Variants in PRH1 observed in about 807,000 individuals in gnomAD.
PRH1 encodes proline rich protein HaeIII subfamily 1.
In PRH1, 7 loss-of-function variants were observed where a neutral mutation model predicts 7.9. The ratio of observed to expected loss-of-function variants is 0.89; its 90% CI spans 0.50 to 1.67. PRH1 has a LOEUF of 1.67. Ranked by LOEUF, PRH1 falls within the 40% of genes most tolerant of loss-of-function variation. The pLI is 0.00. For synonymous variants in PRH1, 45 were observed against 80.8 expected (o/e 0.56, Z 2.38); for missense variants, 109 against 223.6 (o/e 0.49, Z 3.27).
chr12:11,005,583 T>G (rs576893933), intron 1 of PRH1, among the ~76,000 whole-genome samples: 4 of 152,228 alleles, frequency 2.6e-5, no homozygotes, highest in African/African-American at 9.6e-5. Flanking sequence ...ATCTGCTTGC[T>G]GCTAATATGT....
chr12:11,027,399 G>C (rs3889445), intron 1 of PRH1, among the ~76,000 whole-genome samples: 53,397 of 145,168 alleles, frequency 0.37, 4,076 homozygotes, highest in Non-Finnish European at 0.42. Context: ...AACCTGAGAA[G>C]ATTCAGGGAC....
At chr12:11,000,182 T>C (rs1404688476) in intron 1 of PRH1, among the ~76,000 whole-genome samples, 1 of 152,142 alleles carries the variant, frequency 6.6e-6, no homozygotes, top group East Asian at 1.9e-4. Context: ...TTATCGCTAT[T>C]TGCATATATC....
intron 1 of PRH1, among the ~76,000 whole-genome samples, chr12:11,143,273 C>T (rs1946760543): frequency 6.6e-6 from 1 of 152,136 alleles, no homozygotes; most frequent in Admixed American, 6.5e-5. Flanking sequence ...GCAAACAGTG[C>T]TAAGTTGCTA....
intron 2 of PRH1, among the ~76,000 whole-genome samples, chr12:10,902,472 C>G (rs1591661009): frequency 6.6e-6 from 1 of 151,742 alleles, no homozygotes; most frequent in Non-Finnish European, 1.5e-5. Context: ...AGAAAATTTC[C>G]CTAATCTTGC....
intron 1 of PRH1, among the ~76,000 whole-genome samples, chr12:11,010,092 AGTTT>A (rs1940999763): frequency 6.6e-6 from 1 of 151,994 alleles, no homozygotes; most frequent in Non-Finnish European, 1.5e-5. Context: ...TCAATGGATT[AGTTT>A]AAGGTCATCT....
intron 1 of PRH1, among the ~76,000 whole-genome samples, chr12:11,093,234 T>A (rs1187921486): frequency 8.6e-6 from 1 of 116,192 alleles, no homozygotes; most frequent in Non-Finnish European, 2.0e-5. Context: ...CGGACTTTTT[T>A]AAATCACAGA....
At position 11,089,340 on chromosome 12, in the gene PRH1, A is replaced by T. The variant is rs1944804918; in HGVS notation, n.124-42152T>A. 1.7e-5 allele frequency among the ~76,000 whole-genome samples: 2 copies of T among 116,070 alleles called. 1 individual carries two copies. The highest frequency in any genetic ancestry group is 1.7e-4 in the Admixed American group (2 of 11,602). 76.1% of individuals were successfully genotyped at this position (116,070 alleles called of 152,430 possible). A position where few individuals can be genotyped will look rare whatever the true frequency, so the allele number is the denominator to read the frequency against. ...ACCAATAAGAAATAGAAGACTAATG[A>T]CAGCCGAGCAGATACATTCTCCCTC... On this transcript the variant is annotated intron_variant and non_coding_transcript_variant, in intron 1 of 4. Coordinates refer to the PRH1 transcript ENST00000541977.
At chr12:11,145,359 A>G (rs1565700897) in intron 1 of PRH1, among the ~76,000 whole-genome samples, 1 of 151,944 alleles carries the variant, frequency 6.6e-6, no homozygotes, top group Non-Finnish European at 1.5e-5. Flanking sequence ...TGCATGGCTA[A>G]TTTTTGTATT....
At chr12:11,074,336 T>TTA (rs1944208532) in intron 1 of PRH1, among the ~76,000 whole-genome samples, 1 of 151,336 alleles carries the variant, frequency 6.6e-6, no homozygotes, top group African/African-American at 2.4e-5. Flanking sequence ...AAGTGGACAT[T>TTA]TTTATAAAGT....
downstream of PRH1, among the ~76,000 whole-genome samples, chr12:11,120,449 A>G (rs1386702663): frequency 6.6e-6 from 1 of 152,112 alleles, no homozygotes; most frequent in Non-Finnish European, 1.5e-5. Context: ...CCTGCGGCTC[A>G]TGTTACCCTA....
intron 1 of PRH1, among the ~76,000 whole-genome samples, chr12:11,001,546 C>A (rs1940597767): frequency 6.6e-6 from 1 of 152,104 alleles, no homozygotes; most frequent in African/African-American, 2.4e-5. Context: ...CTCCTCCCAT[C>A]CTCCTCAAAA....
intron 1 of PRH1, among the ~76,000 whole-genome samples, chr12:11,020,381 T>TATATATATATATATATATAG (rs1271102772): frequency 3.4e-5 from 4 of 117,564 alleles, no homozygotes; most frequent in African/African-American, 1.1e-4. Flanking sequence ...TATATATATA[T>TATATATATATATATATATAG]ATATATATAT....
At chr12:11,048,297 T>G, upstream of PRH1, 1 of 223,530 alleles carries the variant, frequency 4.5e-6, no homozygotes, top group Non-Finnish European at 9.2e-6. Flanking sequence ...TGTTTTCAGC[T>G]AAAAGATACA....
chr12:10,995,320 G>C (rs1940166066), intron 1 of PRH1, among the ~76,000 whole-genome samples: 1 of 149,710 alleles, frequency 6.7e-6, no homozygotes, highest in South Asian at 2.1e-4. Flanking sequence ...ATTGTACCAG[G>C]TAAGATATAT....
At chr12:11,171,231 A>T in intron 1 of PRH1, 1 of 555,344 alleles carries the variant, frequency 1.8e-6, no homozygotes, top group Non-Finnish European at 2.7e-6. Flanking sequence ...CGGCAGCGGC[A>T]AGCTTGGGTG....
chr12:10,963,131 T>A (rs201559981), intron 2 of PRH1, among the ~76,000 whole-genome samples: 1 of 87,154 alleles, frequency 1.1e-5, no homozygotes, highest in Non-Finnish European at 2.6e-5. Context: ...AACAAACAAA[T>A]AACTAAATCA....
intron 1 of PRH1, among the ~76,000 whole-genome samples, chr12:11,039,702 C>A (rs1384595439): frequency 6.6e-6 from 1 of 152,232 alleles, no homozygotes; most frequent in East Asian, 1.9e-4. Context: ...TCTTTTCCTA[C>A]CAAAAGCATT....
intron 1 of PRH1, among the ~76,000 whole-genome samples, chr12:11,034,532 T>TTTTGCAG (rs1344909101): frequency 1.9e-5 from 1 of 51,874 alleles, no homozygotes; most frequent in Non-Finnish European, 4.8e-5. Flanking sequence ...CATTATTATT[T>TTTTGCAG]TCTAAACATT....
intron 1 of PRH1, among the ~76,000 whole-genome samples, chr12:11,146,944 A>C (rs990944368): frequency 2.6e-5 from 4 of 152,146 alleles, no homozygotes; most frequent in Non-Finnish European, 5.9e-5. Flanking sequence ...TCTGTGCCAA[A>C]ATTCTTTCAA....
Sources: gnomAD v4.1 joint callset for allele counts (sites outside exome capture counted in the v4.1 genomes callset) on GRCh38, gnomAD v4.1.1 for gene constraint, MANE v1.5 for transcripts, NCBI Gene and HGNC (gene_info 2026-07-23, HGNC 2026-07-21) for gene names.